Variants in SAMD5 observed in about 807,000 individuals in gnomAD.
The protein encoded by SAMD5 is sterile alpha motif domain-containing protein 5.
Under a neutral mutation model 11.3 loss-of-function variants are expected in SAMD5, and 13 were observed. That is an observed-to-expected ratio of 1.15 (90% CI 0.75 to 1.83). SAMD5 has a LOEUF of 1.83. Among genes scored for constraint, SAMD5 ranks in the 40% most tolerant of loss-of-function variants. The pLI, the probability that SAMD5 is intolerant of heterozygous loss-of-function variation, is 0.00. For missense variants in SAMD5, 255 were observed against 239.1 expected, an observed-to-expected ratio of 1.07 and a Z score of -0.44; for synonymous variants, 129 against 111.3, an observed-to-expected ratio of 1.16 and a Z score of -1.00.
the SAMD5 span, among the ~76,000 whole-genome samples, chr6:147,885,526 G>A: frequency 4.6e-5 from 7 of 151,922 alleles, no homozygotes; most frequent in South Asian, 2.1e-4. Context: ...TAAAATTTTT[G>A]ATAATTAATA....
chr6:147,860,098 C>T, the SAMD5 span, among the ~76,000 whole-genome samples: 1 of 152,132 alleles, frequency 6.6e-6, no homozygotes, highest in African/African-American at 2.4e-5. Flanking sequence ...ATCAAGTTGC[C>T]AGCAGGGCCT....
chr6:147,804,584 T>C, the SAMD5 span, among the ~76,000 whole-genome samples: 1 of 152,144 alleles, frequency 6.6e-6, no homozygotes, highest in Non-Finnish European at 1.5e-5. Context: ...TTCTTTTGCC[T>C]AATTTTGACC....
the SAMD5 span, among the ~76,000 whole-genome samples, chr6:147,915,085 A>AT: frequency 2.3e-4 from 35 of 152,336 alleles, no homozygotes; most frequent in South Asian, 7.0e-3. Flanking sequence ...CGAAAAGGAC[A>AT]TTATTGAGTC....
chr6:147,871,814 T>G, the SAMD5 span, among the ~76,000 whole-genome samples: 2 of 152,208 alleles, frequency 1.3e-5, no homozygotes, highest in African/African-American at 4.8e-5. Context: ...CTTTCAGACT[T>G]TCTTCCCCTA....
chr6:147,524,699 G>A (rs951752874), intron 1 of SAMD5, among the ~76,000 whole-genome samples: 1 of 151,938 alleles, frequency 6.6e-6, no homozygotes, highest in African/African-American at 2.4e-5. Flanking sequence ...ACCTAGATTC[G>A]CTTTTTAAAA....
chr6:147,851,350 T>C, the SAMD5 span, among the ~76,000 whole-genome samples: 1 of 152,210 alleles, frequency 6.6e-6, no homozygotes, highest in East Asian at 1.9e-4. Context: ...ATAGTCTATA[T>C]GGGGGTTGGT....
At chr6:147,945,874 G>A in the SAMD5 span, among the ~76,000 whole-genome samples, 56 of 152,164 alleles carry the variant, frequency 3.7e-4, no homozygotes, top group Non-Finnish European at 6.3e-4. Flanking sequence ...CACAGCTGTT[G>A]TTGTAGCTTG....
Position 147,583,818 on chromosome 6 carries a change from AAC to A in SAMD5, c.162+74455_162+74456del, listed in dbSNP as rs3032052. ...AAAAGGGAAAAAAGTGGAATTTTCA[AAC>A]ACACACACACACACACACACACAAA... On this transcript the variant is annotated intron_variant, in intron 1 of 1. Transcript: ENST00000566741. 8.0e-3 allele frequency among the ~76,000 whole-genome samples: 1,201 copies of A among 149,446 alleles called. 11 individuals carry two copies. The highest frequency in any genetic ancestry group is 0.014 in the Non-Finnish European group (915 of 67,436).
the SAMD5 span, among the ~76,000 whole-genome samples, chr6:147,840,524 A>G: frequency 6.6e-6 from 1 of 152,222 alleles, no homozygotes; most frequent in Non-Finnish European, 1.5e-5. Context: ...CTCTCAGCAG[A>G]AGAAAGAACT....
chr6:147,800,613 G>A, the SAMD5 span, among the ~76,000 whole-genome samples: 1 of 152,178 alleles, frequency 6.6e-6, no homozygotes, highest in African/African-American at 2.4e-5. Flanking sequence ...CGAGCTTCCC[G>A]GCTGCTTTGC....
At chr6:147,768,308 G>A in the SAMD5 span, among the ~76,000 whole-genome samples, 2 of 152,208 alleles carry the variant, frequency 1.3e-5, no homozygotes, top group African/African-American at 2.4e-5. Context: ...AACCAGCCTG[G>A]CCAACATAGT....
At chr6:147,629,190 A>G (rs1161858293) in intron 1 of SAMD5, among the ~76,000 whole-genome samples, 2 of 152,116 alleles carry the variant, frequency 1.3e-5, no homozygotes, top group Non-Finnish European at 2.9e-5. Flanking sequence ...AGCACTTGTA[A>G]TCTCAGCTAC....
chr6:147,760,697 A>G, the SAMD5 span, among the ~76,000 whole-genome samples: 2 of 152,208 alleles, frequency 1.3e-5, no homozygotes, highest in African/African-American at 4.8e-5. Flanking sequence ...GTAGGTAAAT[A>G]AGACAGTGTA....
chr6:147,512,236 G>A (rs1419919353), intron 1 of SAMD5, among the ~76,000 whole-genome samples: 1 of 152,194 alleles, frequency 6.6e-6, no homozygotes, highest in East Asian at 1.9e-4. Flanking sequence ...GGGATTACAA[G>A]TGAGCCACCG....
chr6:147,619,200 T>C (rs927896647), intron 1 of SAMD5, among the ~76,000 whole-genome samples: 2 of 152,108 alleles, frequency 1.3e-5, no homozygotes, highest in African/African-American at 4.8e-5. Flanking sequence ...CACAATCTTA[T>C]TTTTTTTAAG....
At chr6:147,787,939 T>A in the SAMD5 span, among the ~76,000 whole-genome samples, 1 of 152,222 alleles carries the variant, frequency 6.6e-6, no homozygotes, top group Non-Finnish European at 1.5e-5. Context: ...TTGTCAGCTG[T>A]CAAAGGAGAA....
chr6:147,942,781 A>T, the SAMD5 span, among the ~76,000 whole-genome samples: 12 of 151,522 alleles, frequency 7.9e-5, no homozygotes, highest in African/African-American at 2.4e-4. Context: ...GAATAGCACA[A>T]CAGGAAAAAT....
chr6:147,554,654 C>A (rs371949656), intron 1 of SAMD5, among the ~76,000 whole-genome samples: 11 of 152,294 alleles, frequency 7.2e-5, no homozygotes, highest in African/African-American at 2.2e-4. Flanking sequence ...AGTCACCTCA[C>A]CTTAATGGCA....
intron 1 of SAMD5, among the ~76,000 whole-genome samples, chr6:147,525,684 T>C (rs868509176): frequency 2.0e-5 from 3 of 152,038 alleles, no homozygotes; most frequent in Non-Finnish European, 2.9e-5. Context: ...GGTTGGTTAC[T>C]ATGTGAGCGA....
Sources: allele counts gnomAD v4.1 joint callset (sites outside exome capture counted in the v4.1 genomes callset), GRCh38; gene constraint gnomAD v4.1.1; transcripts MANE v1.5; gene names NCBI Gene and HGNC (gene_info 2026-07-23, HGNC 2026-07-21).